CTDSPL: variants seen among roughly 807,000 people sequenced by gnomAD.
CTDSPL encodes the protein CTD small phosphatase-like protein.
A neutral mutation model predicts 30.5 loss-of-function variants in CTDSPL; 8 were observed. The ratio of observed to expected loss-of-function variants is 0.26; its 90% CI spans 0.15 to 0.47. The LOEUF (loss-of-function observed/expected upper bound fraction) is 0.47, where lower values mean the gene tolerates loss of function less well. Ranked by LOEUF, CTDSPL falls within the 20% of genes least tolerant of loss-of-function variation. CTDSPL has a pLI of 0.99. For missense variants in CTDSPL, 248 were observed against 366.1 expected, an observed-to-expected ratio of 0.68 and a Z score of 2.63; for synonymous variants, 110 against 137.9, an observed-to-expected ratio of 0.80 and a Z score of 1.42.
intron 1 of CTDSPL, among the ~76,000 whole-genome samples, chr3:37,930,212 T>C (rs1437987013): frequency 6.6e-6 from 1 of 152,122 alleles, no homozygotes; most frequent in Non-Finnish European, 1.5e-5. Context: ...CATTTCATGG[T>C]CAGAAAAGAT....
intron 1 of CTDSPL, among the ~76,000 whole-genome samples, chr3:37,879,837 A>C (rs59937204): frequency 0.012 from 1,782 of 152,278 alleles, 34 homozygotes; most frequent in African/African-American, 0.04. Flanking sequence ...TATAGGGTTA[A>C]TATGAATATT....
intron 1 of CTDSPL, among the ~76,000 whole-genome samples, chr3:37,865,929 C>A (rs959395204): frequency 5.9e-5 from 9 of 152,240 alleles, no homozygotes; most frequent in Admixed American, 5.2e-4. Context: ...TTTAAACCAG[C>A]CTTTGCTGTG....
chr3:37,979,421 G>A (rs1405270233), intron 7 of CTDSPL, among the ~76,000 whole-genome samples: 1 of 152,068 alleles, frequency 6.6e-6, no homozygotes, highest in African/African-American at 2.4e-5. Flanking sequence ...TGACCAACAT[G>A]GTGAAACCCT....
intron 1 of CTDSPL, among the ~76,000 whole-genome samples, chr3:37,890,816 G>A (rs146231021): frequency 0.012 from 1,898 of 152,256 alleles, 28 homozygotes; most frequent in Non-Finnish European, 0.019. Context: ...ATAAGGCTGA[G>A]CGGGAGTGTA....
chr3:37,981,126 A>T lies in CTDSPL; in HGVS notation c.*259A>T. The T allele has an allele frequency of 9.2e-6, 2 of 217,898 alleles. No individual in the cohort carries two copies. The highest frequency in any genetic ancestry group is 1.8e-5 in the Non-Finnish European group (2 of 111,626). The allele number at this position is 217,898 out of a possible 1,614,324, so 13.5% of individuals were successfully genotyped here. ...TTAAAACATACCAAAAAAGAAAAAA[A>T]TAGAAAAAAAAAAAAAAAAAGCTTG... On this transcript the variant is annotated 3_prime_UTR_variant, in exon 8 of 8. Transcript: ENST00000273179.
At chr3:37,916,745 C>T (rs1373963130) in intron 1 of CTDSPL, among the ~76,000 whole-genome samples, 2 of 152,152 alleles carry the variant, frequency 1.3e-5, no homozygotes, top group African/African-American at 4.8e-5. Context: ...GCTTGTGGTA[C>T]TTTGATATAG....
intron 1 of CTDSPL, among the ~76,000 whole-genome samples, chr3:37,916,021 T>G (rs898324804): frequency 6.6e-6 from 1 of 152,212 alleles, no homozygotes; most frequent in African/African-American, 2.4e-5. Flanking sequence ...CCACTTCTTG[T>G]GGTTTACCTT....
chr3:37,897,006 ACAGTTCTTT>A (rs1199606929), intron 1 of CTDSPL, among the ~76,000 whole-genome samples: 6 of 152,222 alleles, frequency 3.9e-5, no homozygotes, highest in Non-Finnish European at 8.8e-5. Flanking sequence ...GAGGCTCTCC[ACAGTTCTTT>A]CAGCTCAGCA....
In CTDSPL at chr3:37,981,221, C is replaced by T. The variant is rs1243450066; in HGVS notation, c.*354C>T. 1 of 166,898 alleles carries T rather than the reference C, an allele frequency of 6.0e-6. No individual in the cohort carries two copies. Among genetic ancestry groups the T allele is most frequent in the Non-Finnish European group, 1.3e-5 (1 of 77,330 alleles). The allele number at this position is 166,898 out of a possible 1,614,324, so 10.3% of individuals were successfully genotyped here. ...CCACCTGTCCCCTTCTATCCCAGCT[C>T]AGAGCAGCTGACCCAACTCAGAATC... is the stretch of plus-strand genomic sequence containing the variant. On this transcript the variant is annotated 3_prime_UTR_variant, in exon 8 of 8. Transcript: ENST00000273179.
At chr3:37,897,178 T>C (rs1293389280) in intron 1 of CTDSPL, among the ~76,000 whole-genome samples, 1 of 152,180 alleles carries the variant, frequency 6.6e-6, no homozygotes, top group Non-Finnish European at 1.5e-5. Context: ...ATATTCAGAG[T>C]GTCAGAACTC....
intron 1 of CTDSPL, among the ~76,000 whole-genome samples, chr3:37,907,301 G>A (rs1158783316): frequency 6.6e-6 from 1 of 152,216 alleles, no homozygotes; most frequent in African/African-American, 2.4e-5. Context: ...AGGTCTAAGG[G>A]AGGAGAATGA....
At chr3:37,924,576 T>A (rs1036975698) in intron 1 of CTDSPL, among the ~76,000 whole-genome samples, 7 of 152,282 alleles carry the variant, frequency 4.6e-5, no homozygotes, top group African/African-American at 1.7e-4. Context: ...ATAACAAAAG[T>A]AAATATTTGG....
chr3:37,887,664 G>A (rs1179698099), intron 1 of CTDSPL, among the ~76,000 whole-genome samples: 1 of 152,236 alleles, frequency 6.6e-6, no homozygotes, highest in East Asian at 1.9e-4. Flanking sequence ...CGCATAGTAA[G>A]TGTTCAATAA....
intron 1 of CTDSPL, among the ~76,000 whole-genome samples, chr3:37,879,431 C>A (rs1010527155): frequency 1.3e-5 from 2 of 152,220 alleles, no homozygotes; most frequent in African/African-American, 4.8e-5. Context: ...AAAGATGTTT[C>A]TCAGTGACCC....
intron 1 of CTDSPL, among the ~76,000 whole-genome samples, chr3:37,944,119 C>T (rs1699009819): frequency 6.7e-6 from 1 of 149,830 alleles, no homozygotes; most frequent in African/African-American, 2.4e-5. Flanking sequence ...ACAAAGTTGC[C>T]AAAAGACAGT....
At chr3:37,911,643 G>T (rs1290194912) in intron 1 of CTDSPL, 1 of 455,778 alleles carries the variant, frequency 2.2e-6, no homozygotes, top group Non-Finnish European at 4.4e-6. Flanking sequence ...TGTTTGTCTG[G>T]TTGAACGTTT....
At chr3:37,977,750 G>T (rs942865824) in intron 7 of CTDSPL, among the ~76,000 whole-genome samples, 1 of 151,796 alleles carries the variant, frequency 6.6e-6, no homozygotes, top group Non-Finnish European at 1.5e-5. Flanking sequence ...GCCAGACGGG[G>T]TGGCAGACAC....
intron 1 of CTDSPL, among the ~76,000 whole-genome samples, chr3:37,909,791 G>A (rs1357348214): frequency 6.6e-6 from 1 of 152,272 alleles, no homozygotes; most frequent in Non-Finnish European, 1.5e-5. Context: ...TTTGGGGAGG[G>A]AATGAGGAGA....
chr3:37,941,108 C>T (rs534084414), intron 1 of CTDSPL, among the ~76,000 whole-genome samples: 3 of 150,348 alleles, frequency 2.0e-5, no homozygotes, highest in South Asian at 2.1e-4. Flanking sequence ...GCAGTGACAC[C>T]AGGGCCAGGG....
Sources: gnomAD v4.1 joint callset for allele counts (sites outside exome capture counted in the v4.1 genomes callset) on GRCh38, gnomAD v4.1.1 for gene constraint, MANE v1.5 for transcripts, NCBI Gene and HGNC (gene_info 2026-07-23, HGNC 2026-07-21) for gene names.